Variants in EML4 observed in about 807,000 individuals in gnomAD.
EML4 encodes the protein EMAP like 4, also known as echinoderm microtubule-associated protein-like 4.
EML4 carries 72 observed loss-of-function variants against 129.0 expected under a neutral mutation model. The ratio of observed to expected loss-of-function variants is 0.56; its 90% CI spans 0.46 to 0.68. The LOEUF is 0.68. EML4 is among the 30% of genes least tolerant of loss of function. The probability of loss-of-function intolerance (pLI) is 0.00; values close to 1 mark genes in which losing one functional copy is unlikely to be tolerated. For missense variants in EML4, 1,363 were observed against 1,190.6 expected (o/e 1.14, Z -2.13); for synonymous variants, 532 against 405.0 (o/e 1.31, Z -3.77).
At chr2:42,293,624 C>T (rs1017111898) in intron 11 of EML4, among the ~76,000 whole-genome samples, 2 of 151,922 alleles carry the variant, frequency 1.3e-5, no homozygotes, top group Non-Finnish European at 2.9e-5. Flanking sequence ...GGTTTTGTTT[C>T]GTTTTGAGAC....
chr2:42,222,060 T>G (rs1673640003), intron 1 of EML4, among the ~76,000 whole-genome samples: 1 of 152,230 alleles, frequency 6.6e-6, no homozygotes, highest in East Asian at 1.9e-4. Flanking sequence ...CTCCTTAGTC[T>G]TCTCTCTCTG....
chr2:42,246,512 A>G (rs2104306143), intron 2 of EML4, among the ~76,000 whole-genome samples: 1 of 152,320 alleles, frequency 6.6e-6, no homozygotes, highest in South Asian at 2.1e-4. Flanking sequence ...CTAGCTGAGT[A>G]GGAGATAGTG....
At chr2:42,240,673 T>C (rs1674969514) in intron 1 of EML4, among the ~76,000 whole-genome samples, 1 of 152,222 alleles carries the variant, frequency 6.6e-6, no homozygotes. Flanking sequence ...ATTTCTAATT[T>C]TGTGGCAATA....
intron 6 of EML4, among the ~76,000 whole-genome samples, chr2:42,269,012 C>T (rs1377934250): frequency 6.6e-6 from 1 of 152,174 alleles, no homozygotes; most frequent in Non-Finnish European, 1.5e-5. Flanking sequence ...TCTTACTGTG[C>T]TGCCTCCCTG....
At position 42,330,464 on chromosome 2, in the gene EML4, G is replaced by T; in HGVS notation, c.*257G>T. 4 of 556,282 alleles carry T rather than the reference G, an allele frequency of 7.2e-6. No homozygotes were observed. The highest frequency in any genetic ancestry group is 2.9e-5 in the Admixed American group (1 of 34,760). The allele number at this position is 556,282 out of a possible 1,614,324, so 34.5% of individuals were successfully genotyped here. On this transcript the variant is annotated 3_prime_UTR_variant, in exon 23 of 23. Transcript: ENST00000318522. ...CATTAATGATGTCTCACAAATTACT[G>T]TGTACCTAAGTGGTGTGATGTAAAT...
rs1665838794 is a variant in EML4, at chr2:42,263,163, TA to T, written c.513-13del. On this transcript the variant is annotated splice_polypyrimidine_tract_variant and intron_variant, in intron 4 of 22. Coordinates refer to ENST00000318522, the MANE Select transcript of EML4 (RefSeq NM_019063.5). ...TACTCAGAATTTTTCTCTAAGAAATTAATGTTCCTTCTAGCATAAAACGACC... is the reference window on the plus strand; with the variant it reads ...TACTCAGAATTTTTCTCTAAGAAATTATGTTCCTTCTAGCATAAAACGACC... 5 of 1,598,584 alleles carry T rather than the reference TA, an allele frequency of 3.1e-6. No individual in the cohort carries two copies. Among genetic ancestry groups the T allele is most frequent in the African/African-American group, 2.7e-5 (2 of 73,714 alleles).
intron 19 of EML4, among the ~76,000 whole-genome samples, chr2:42,324,701 A>G (rs1024849440): frequency 6.6e-6 from 1 of 152,236 alleles, no homozygotes; most frequent in African/African-American, 2.4e-5. Context: ...AGCAAATTCA[A>G]GTCTCTGTCA....
intron 1 of EML4, among the ~76,000 whole-genome samples, chr2:42,234,558 C>T (rs941209360): frequency 6.6e-6 from 1 of 152,176 alleles, no homozygotes; most frequent in Admixed American, 6.5e-5. Context: ...ATTCCTTGCT[C>T]CCTCCATTAG....
chr2:42,199,792 G>A (rs1056403742), intron 1 of EML4, among the ~76,000 whole-genome samples: 1 of 152,156 alleles, frequency 6.6e-6, no homozygotes. Context: ...AGGAACCGAA[G>A]CGTCACAGAA....
chr2:42,309,136 T>C (rs926155766), intron 17 of EML4, among the ~76,000 whole-genome samples: 1 of 152,058 alleles, frequency 6.6e-6, no homozygotes, highest in African/African-American at 2.4e-5. Context: ...CCAGGCACAA[T>C]GGCTCACACC....
chr2:42,237,261 T>G (rs1321924365), intron 1 of EML4, among the ~76,000 whole-genome samples: 2 of 152,206 alleles, frequency 1.3e-5, no homozygotes, highest in Non-Finnish European at 2.9e-5. Context: ...TCATTTATTA[T>G]GTGTTACAGC....
In EML4 at chr2:42,329,013, A is replaced by T. The variant is rs758269790; in HGVS notation, c.2469A>T (p.Ala823=). 6.8e-6 allele frequency: 11 copies of T among 1,611,354 alleles called. No homozygotes were observed. In the Admixed American group the frequency reaches 1.8e-4, roughly 27 times the overall value. ...TGTTTCAGTATCCCTGCTCCAAAGC[A>T]AAGGTAAACTCACTTTAATAGAAAC... is the stretch of plus-strand genomic sequence containing the variant. ...VHLFQYPCSK[A]KAPSHKYSAH... is the part of the protein sequence containing the mutation. The change falls in exon 22 of 23, where the codon GCA becomes GCT. Residue 823 remains alanine, a synonymous_variant. Coordinates refer to ENST00000318522, the MANE Select transcript of EML4 (RefSeq NM_019063.5).
At chr2:42,241,599 G>A (rs895203155) in intron 1 of EML4, among the ~76,000 whole-genome samples, 6 of 152,104 alleles carry the variant, frequency 3.9e-5, no homozygotes, top group African/African-American at 1.2e-4. Flanking sequence ...TTCACACAGC[G>A]ACCAAAATGA....
chr2:42,326,630 C>A (rs562913733), intron 21 of EML4, among the ~76,000 whole-genome samples: 1 of 152,208 alleles, frequency 6.6e-6, no homozygotes, highest in Admixed American at 6.5e-5. Context: ...ACCTGTAATT[C>A]TAGCACTTTG....
intron 1 of EML4, among the ~76,000 whole-genome samples, chr2:42,191,787 T>A (rs1671597529): frequency 6.6e-6 from 1 of 152,184 alleles, no homozygotes; most frequent in Non-Finnish European, 1.5e-5. Flanking sequence ...TTGCCGGGCG[T>A]GGTGGCTCAC....
chr2:42,277,666 TCAAGCAATTC>T (rs1441351406), intron 6 of EML4, among the ~76,000 whole-genome samples: 1 of 151,702 alleles, frequency 6.6e-6, no homozygotes, highest in Non-Finnish European at 1.5e-5. Flanking sequence ...CCTCCCAGGT[TCAAGCAATTC>T]TCCTGCCTCA....
intron 1 of EML4, among the ~76,000 whole-genome samples, chr2:42,224,599 T>C (rs1673830267): frequency 6.6e-6 from 1 of 152,102 alleles, no homozygotes; most frequent in Non-Finnish European, 1.5e-5. Context: ...ATATGGTGCC[T>C]CTGTTTAACC....
chr2:42,203,160 T>C (rs573984616), intron 1 of EML4, among the ~76,000 whole-genome samples: 3 of 152,364 alleles, frequency 2.0e-5, no homozygotes, highest in African/African-American at 7.2e-5. Context: ...ATTTGGCCAC[T>C]CTATAACGTA....
chr2:42,249,098 C>A (rs1008716243), intron 2 of EML4, among the ~76,000 whole-genome samples: 9 of 152,074 alleles, frequency 5.9e-5, no homozygotes, highest in African/African-American at 2.2e-4. Context: ...TAAAATAGAT[C>A]ATCTCAGTTT....
Sources: allele counts gnomAD v4.1 joint callset (sites outside exome capture counted in the v4.1 genomes callset), GRCh38; gene constraint gnomAD v4.1.1; transcripts MANE v1.5; gene names NCBI Gene and HGNC (gene_info 2026-07-23, HGNC 2026-07-21).